SCTR: variants seen among roughly 807,000 people sequenced by gnomAD.
The protein encoded by SCTR is pancreatic secretin receptor.
Under a neutral mutation model 60.8 loss-of-function variants are expected in SCTR, and 56 were observed. The ratio of observed to expected loss-of-function variants is 0.92; its 90% confidence interval spans 0.74 to 1.15. SCTR has a LOEUF of 1.15. Ranked by LOEUF, SCTR falls within the 50% of genes most tolerant of loss-of-function variation. SCTR has a pLI of 0.00. For missense variants in SCTR, 562 were observed against 550.4 expected, an observed-to-expected ratio of 1.02 and a Z score of -0.21; for synonymous variants, 202 against 217.0, an observed-to-expected ratio of 0.93 and a Z score of 0.61.
In SCTR at chr2:119,505,694, C is replaced by T. The variant is rs1203456862; in HGVS notation, c.73-11146G>A. On this transcript the variant is annotated intron_variant, in intron 1 of 12. Transcript: ENST00000019103. ...ACACAGGAAGGGGAACATCACACAC[C>T]GGGGCCTGTTGTGGGGTGGCGGGAG... 9.2e-5 allele frequency among the ~76,000 whole-genome samples: 10 copies of T among 108,408 alleles called. No individual in the cohort carries two copies. The South Asian group carries it at 1.0e-3, about 11-fold the overall frequency. The allele number at this position is 108,408 out of a possible 152,430, so 71.1% of individuals were successfully genotyped here. A position where few individuals can be genotyped will look rare whatever the true frequency, so the allele number is the denominator to read the frequency against.
intron 11 of SCTR, among the ~76,000 whole-genome samples, chr2:119,445,369 C>A (rs1682886833): frequency 6.6e-6 from 1 of 152,200 alleles, no homozygotes; most frequent in Non-Finnish European, 1.5e-5. Context: ...TGGATTAAGC[C>A]AGAGGCTGAG....
chr2:119,440,430 C>T (rs1407198266), intron 12 of SCTR, among the ~76,000 whole-genome samples, 173 bp from the exon 13 acceptor site: 1 of 152,228 alleles, frequency 6.6e-6, no homozygotes, highest in Non-Finnish European at 1.5e-5. Flanking sequence ...CCAGTAGCTA[C>T]TGAGGGTCCC....
At chr2:119,511,781 C>T (rs778790489) in intron 1 of SCTR, among the ~76,000 whole-genome samples, 4 of 152,078 alleles carry the variant, frequency 2.6e-5, no homozygotes, top group Non-Finnish European at 5.9e-5. Context: ...CTAGTAACCT[C>T]CTAAGAAAAA....
At chr2:119,494,619 C>G in intron 1 of SCTR, 71 bp from the exon 2 acceptor site, 1 of 1,509,366 alleles carries the variant, frequency 6.6e-7, no homozygotes, top group Non-Finnish European at 9.1e-7. Context: ...GAGAATGGGG[C>G]AAGACAATGC....
At chr2:119,446,969 C>A in intron 10 of SCTR, 84 bp from the exon 11 acceptor site, 1 of 1,291,282 alleles carries the variant, frequency 7.7e-7, no homozygotes, top group South Asian at 3.0e-5. Flanking sequence ...TGCCACTCCC[C>A]AGCTCGGGAC....
intron 1 of SCTR, among the ~76,000 whole-genome samples, chr2:119,521,761 C>G (rs1167803530): frequency 6.6e-6 from 1 of 152,108 alleles, no homozygotes; most frequent in Admixed American, 6.5e-5. Context: ...TATTTGAACA[C>G]ACTTAGATTT....
In SCTR at chr2:119,439,854, C is replaced by A; in HGVS notation, c.*263G>T. On this transcript the variant is annotated 3_prime_UTR_variant, in exon 13 of 13. Transcript: ENST00000019103. ...TGGACAAATATAGATTGAATCTCAT[C>A]CCAGGCACCATTTATTTCCCTGTCC... is the stretch of plus-strand genomic sequence containing the variant. The A allele has an allele frequency of 4.3e-6, 2 of 460,856 alleles. No homozygotes were observed. The highest frequency in any genetic ancestry group is 7.7e-6 in the Non-Finnish European group (2 of 258,092). The allele number at this position is 460,856 out of a possible 1,614,324, so 28.5% of individuals were successfully genotyped here.
chr2:119,497,244 C>T (rs958144611), intron 1 of SCTR, among the ~76,000 whole-genome samples: 1 of 151,992 alleles, frequency 6.6e-6, no homozygotes, highest in African/African-American at 2.4e-5. Flanking sequence ...TCACTAGGCT[C>T]CTCCCCCACT....
chr2:119,496,008 T>C (rs925204036), intron 1 of SCTR, among the ~76,000 whole-genome samples: 1 of 152,204 alleles, frequency 6.6e-6, no homozygotes, highest in African/African-American at 2.4e-5. Flanking sequence ...TCCCTAAGAA[T>C]ATAGCAGTTG....
At chr2:119,501,435 G>C (rs1678548366) in intron 1 of SCTR, among the ~76,000 whole-genome samples, 1 of 151,952 alleles carries the variant, frequency 6.6e-6, no homozygotes, top group Non-Finnish European at 1.5e-5. Context: ...GGATCTCTTG[G>C]AGGTAGAGAA....
chr2:119,463,241 T>A lies in SCTR; in HGVS notation c.636+882A>T, dbSNP rs890144994. 4.6e-5 allele frequency among the ~76,000 whole-genome samples: 7 copies of A among 152,160 alleles called. No individual in the cohort carries two copies. In the East Asian group the frequency reaches 1.3e-3, roughly 29 times the overall value. ...TCACCCTGCTTCCTTTGCGATTAAG[T>A]GTGGTTACATGACTCAACTCTAGCC... is the stretch of plus-strand genomic sequence containing the variant. On this transcript the variant is annotated intron_variant, in intron 6 of 12. Transcript: ENST00000019103.
rs1683198844 is a variant in SCTR, at chr2:119,452,165, C to T, written c.852-86G>A. The T allele has an allele frequency of 3.7e-6, 3 of 812,306 alleles. No homozygotes were observed. In the East Asian group the frequency reaches 7.7e-5, roughly 21 times the overall value. The allele number at this position is 812,306 out of a possible 1,614,324, so 50.3% of individuals were successfully genotyped here. Reference sequence around the variant, plus strand: ...CAAGGACATGTTCCCTGAGGTGGCCCTTGGTATGAAGGACCTGTGTTTGTG... The same window carrying T: ...CAAGGACATGTTCCCTGAGGTGGCCTTTGGTATGAAGGACCTGTGTTTGTG... On this transcript the variant is annotated intron_variant, in intron 8 of 12. Coordinates refer to ENST00000019103, the MANE Select transcript of SCTR (RefSeq NM_002980.3).
chr2:119,493,221 C>T (rs1678206470), intron 2 of SCTR, among the ~76,000 whole-genome samples: 2 of 152,212 alleles, frequency 1.3e-5, no homozygotes, highest in Admixed American at 1.3e-4. Context: ...TTTGTCCATG[C>T]TGTAGAACAT....
chr2:119,508,710 T>C (rs906423134), intron 1 of SCTR, among the ~76,000 whole-genome samples: 65 of 152,132 alleles, frequency 4.3e-4, no homozygotes, highest in African/African-American at 1.4e-3. Flanking sequence ...TTTTCATTGA[T>C]AAATAAAAAC....
intron 7 of SCTR, among the ~76,000 whole-genome samples, chr2:119,458,327 C>T (rs1188757504): frequency 5.2e-5 from 7 of 134,644 alleles, no homozygotes; most frequent in East Asian, 2.2e-4. Flanking sequence ...AAAAGCCGGG[C>T]GTGGTGGCTC....
intron 2 of SCTR, among the ~76,000 whole-genome samples, chr2:119,489,595 G>A (rs539503590): frequency 6.6e-6 from 1 of 152,310 alleles, no homozygotes; most frequent in African/African-American, 2.4e-5. Context: ...GGGGTAACTC[G>A]CTTGACCAGG....
intron 2 of SCTR, among the ~76,000 whole-genome samples, chr2:119,484,426 T>C (rs1208470557): frequency 6.6e-6 from 1 of 152,056 alleles, no homozygotes; most frequent in African/African-American, 2.4e-5. Context: ...CCTGCCCCAG[T>C]GCCCGTGGCC....
chr2:119,443,759 C>A (rs543133626), intron 11 of SCTR, among the ~76,000 whole-genome samples: 1 of 152,168 alleles, frequency 6.6e-6, no homozygotes, highest in Admixed American at 6.5e-5. Context: ...GTTGCCCAGG[C>A]TGGTCTCGAA....
chr2:119,502,269 G>A (rs1024697891), intron 1 of SCTR, among the ~76,000 whole-genome samples: 2 of 151,736 alleles, frequency 1.3e-5, no homozygotes, highest in Admixed American at 6.6e-5. Flanking sequence ...AGAAAATACA[G>A]TATCACTCAG....
Sources: gnomAD v4.1 joint callset for allele counts (sites outside exome capture counted in the v4.1 genomes callset) on GRCh38, gnomAD v4.1.1 for gene constraint, MANE v1.5 for transcripts, NCBI Gene and HGNC (gene_info 2026-07-23, HGNC 2026-07-21) for gene names.